The following ADAMTSL1 variants were observed in gnomAD, a reference collection of about 807,000 sequenced individuals.
ADAMTSL1 encodes ADAMTS like 1, also known as ADAMTS-like protein 1.
A neutral mutation model predicts 201.8 loss-of-function variants in ADAMTSL1; 126 were observed. The observed-to-expected ratio is 0.62, with a 90% CI of 0.54 to 0.72. The LOEUF (loss-of-function observed/expected upper bound fraction) is 0.72. ADAMTSL1 is among the 30% of genes least tolerant of loss of function. ADAMTSL1 has a pLI of 0.00. For missense variants in ADAMTSL1, 2,679 were observed against 2,277.8 expected (o/e 1.18, Z -3.59); for synonymous variants, 1,121 against 903.4 (o/e 1.24, Z -4.32).
At chr9:18,094,545 A>G (rs190820640) in intron 1 of ADAMTSL1, among the ~76,000 whole-genome samples, 182 of 151,848 alleles carry the variant, frequency 1.2e-3, no homozygotes, top group African/African-American at 4.2e-3. Flanking sequence ...CTGATTTCTT[A>G]AAGATGACTC....
At chr9:18,316,141 C>G (rs1834385277) in intron 2 of ADAMTSL1, among the ~76,000 whole-genome samples, 2 of 151,956 alleles carry the variant, frequency 1.3e-5, no homozygotes, top group Admixed American at 6.5e-5. Flanking sequence ...AGGTGTGGGT[C>G]ACAGACATCA....
chr9:18,502,281 CAA>C (rs1395301368), intron 1 of ADAMTSL1, among the ~76,000 whole-genome samples: 12 of 152,158 alleles, frequency 7.9e-5, no homozygotes, highest in Non-Finnish European at 1.6e-4. Flanking sequence ...CTGGTTTCAT[CAA>C]AGTCATATTG....
chr9:18,035,727 G>A (rs1349195822), intron 1 of ADAMTSL1, among the ~76,000 whole-genome samples: 1 of 152,030 alleles, frequency 6.6e-6, no homozygotes, highest in South Asian at 2.1e-4. Context: ...ATCGTCTGCT[G>A]TCTTTACTAG....
At chr9:18,203,641 AG>A (rs1279086888) in intron 2 of ADAMTSL1, among the ~76,000 whole-genome samples, 2 of 152,078 alleles carry the variant, frequency 1.3e-5, no homozygotes, top group Admixed American at 1.3e-4. Flanking sequence ...AAAGGATTTG[AG>A]GCACCTCACA....
In ADAMTSL1 at chr9:18,120,029, C is replaced by A. The variant is rs201320866; in HGVS notation, c.88-43833C>A. The stretch of plus-strand genomic sequence containing the variant: ...CCCCAAATTTGCCAGCTTAAAACAA[C>A]GAATTTTTGTGAATTCATGATTTGT... On this transcript the variant is annotated intron_variant, in intron 1 of 29. Transcript: ENST00000680146. Among the ~76,000 whole-genome samples, 9 of 152,234 alleles carry A rather than the reference C, an allele frequency of 5.9e-5. No individual in the cohort carries two copies. The South Asian group carries it at 1.5e-3, about 25-fold the overall frequency.
intron 2 of ADAMTSL1, among the ~76,000 whole-genome samples, chr9:18,413,146 ATTTT>A (rs11367468): frequency 0.15 from 19,449 of 132,514 alleles, 1,376 homozygotes; most frequent in African/African-American, 0.19. Flanking sequence ...TCTAAGGATA[ATTTT>A]TTTTTTTTTT....
intron 1 of ADAMTSL1, among the ~76,000 whole-genome samples, chr9:18,144,988 A>G (rs1488061314): frequency 6.6e-6 from 1 of 152,222 alleles, no homozygotes; most frequent in Admixed American, 6.5e-5. Context: ...CATAGATAAT[A>G]GAAGTGTCCA....
At chr9:18,168,993 T>A (rs1332555424) in intron 2 of ADAMTSL1, among the ~76,000 whole-genome samples, 1 of 149,714 alleles carries the variant, frequency 6.7e-6, no homozygotes, top group Non-Finnish European at 1.5e-5. Flanking sequence ...TCTTGTAAAT[T>A]TGTTTGAGTT....
chr9:18,339,321 G>A (rs1231682681), intron 2 of ADAMTSL1, among the ~76,000 whole-genome samples: 1 of 152,112 alleles, frequency 6.6e-6, no homozygotes, highest in African/African-American at 2.4e-5. Flanking sequence ...TTCAAAAGAT[G>A]ACATATATGT....
At chr9:18,475,326 C>T (rs1292503438) in intron 1 of ADAMTSL1, among the ~76,000 whole-genome samples, 2 of 152,106 alleles carry the variant, frequency 1.3e-5, no homozygotes, top group Non-Finnish European at 2.9e-5. Flanking sequence ...AATGTTTGTT[C>T]TGATTATATT....
rs775337751 is a variant in ADAMTSL1 at position 18,838,360 on chromosome 9, T to TACACACACAC, written c.4249+8416_4249+8425dup. ...GGGTGGGGACACAGCCAAACCATAT[T>TACACACACAC]ACACACACACACACACACACACACA... On this transcript the variant is annotated intron_variant, in intron 23 of 28. Transcript: ENST00000380548. Among the ~76,000 whole-genome samples, 194 of 86,758 alleles carry TACACACACAC rather than the reference T, an allele frequency of 2.2e-3. 1 individual carries two copies. The highest frequency in any genetic ancestry group is 7.5e-3 in the Admixed American group (70 of 9,352). The allele number at this position is 86,758 out of a possible 152,430, so 56.9% of individuals were successfully genotyped here.
intron 1 of ADAMTSL1, among the ~76,000 whole-genome samples, chr9:18,032,297 C>T (rs73643498): frequency 0.012 from 1,832 of 152,324 alleles, 43 homozygotes; most frequent in African/African-American, 0.042. Context: ...CAGACCTTAG[C>T]TCAATACCCC....
intron 4 of ADAMTSL1, among the ~76,000 whole-genome samples, chr9:18,596,184 G>C (rs1032486964): frequency 1.3e-5 from 2 of 152,316 alleles, no homozygotes; most frequent in Middle Eastern, 3.4e-3. Context: ...AAGTTCTGCC[G>C]TGTGGGTCTG....
chr9:18,291,774 C>T lies in ADAMTSL1; in HGVS notation c.207+127793C>T, dbSNP rs4961460. ...ACACACACACACACACACACACACA[C>T]ACACATCCCTACCTGTCTTAGAGAG... On this transcript the variant is annotated intron_variant, in intron 2 of 29. Coordinates refer to the ADAMTSL1 transcript ENST00000680146. Among the ~76,000 whole-genome samples the T allele has an allele frequency of 1.2e-3, 175 of 144,744 alleles. 1 individual carries two copies. Among genetic ancestry groups the T allele is most frequent in the Non-Finnish European group, 1.6e-3 (107 of 66,004 alleles). 95.0% of individuals were successfully genotyped at this position (144,744 alleles called of 152,430 possible).
chr9:18,458,887 G>A (rs980021278), intron 2 of ADAMTSL1, among the ~76,000 whole-genome samples: 1 of 152,154 alleles, frequency 6.6e-6, no homozygotes, highest in Non-Finnish European at 1.5e-5. Flanking sequence ...TTCCTTGCAT[G>A]TTCTGAGGAG....
intron 2 of ADAMTSL1, among the ~76,000 whole-genome samples, chr9:18,299,194 G>A (rs1833600894): frequency 6.6e-6 from 1 of 152,150 alleles, no homozygotes; most frequent in East Asian, 1.9e-4. Context: ...CAGCTAATAA[G>A]TGTGAGAGCT....
intron 2 of ADAMTSL1, among the ~76,000 whole-genome samples, chr9:18,215,643 A>C (rs1395075849): frequency 6.6e-6 from 1 of 152,166 alleles, no homozygotes; most frequent in African/African-American, 2.4e-5. Flanking sequence ...AGACTATTTT[A>C]TTTAATGGTT....
At chr9:18,380,545 A>C (rs940917788) in intron 2 of ADAMTSL1, among the ~76,000 whole-genome samples, 2 of 152,104 alleles carry the variant, frequency 1.3e-5, no homozygotes, top group Non-Finnish European at 2.9e-5. Flanking sequence ...ATAATTTTTT[A>C]CTCATTGGCT....
At chr9:18,492,565 C>G (rs952032347) in intron 1 of ADAMTSL1, among the ~76,000 whole-genome samples, 4 of 152,118 alleles carry the variant, frequency 2.6e-5, no homozygotes, top group African/African-American at 4.8e-5. Flanking sequence ...AGGACTGCCT[C>G]TACTTGGATT....
Sources: gnomAD v4.1 joint callset for allele counts (sites outside exome capture counted in the v4.1 genomes callset) on GRCh38, gnomAD v4.1.1 for gene constraint, MANE v1.5 for transcripts, NCBI Gene and HGNC (gene_info 2026-07-23, HGNC 2026-07-21) for gene names.